CLSTN2: variants seen among roughly 807,000 people sequenced by gnomAD.
CLSTN2 encodes calsyntenin 2, also known as calsyntenin-2.
In CLSTN2, 48 loss-of-function variants were observed where a neutral mutation model predicts 101.2. That is an observed-to-expected ratio of 0.47 (90% CI 0.38 to 0.60). The LOEUF (loss-of-function observed/expected upper bound fraction) is 0.60, where lower values mean the gene tolerates loss of function less well. Among genes scored for constraint, CLSTN2 ranks in the 20% least tolerant of loss-of-function variants. The pLI is 0.00. For missense variants in CLSTN2, 1,160 were observed against 1,238.2 expected (o/e 0.94, Z 0.95); for synonymous variants, 481 against 463.6 (o/e 1.04, Z -0.48).
At chr3:140,417,058 G>A (rs1165093595) in intron 4 of CLSTN2, among the ~76,000 whole-genome samples, 1 of 152,216 alleles carries the variant, frequency 6.6e-6, no homozygotes, top group Non-Finnish European at 1.5e-5. Flanking sequence ...TCCTGCCAAA[G>A]TAACCATTAT....
At chr3:140,151,008 T>C (rs59850626) in intron 1 of CLSTN2, among the ~76,000 whole-genome samples, 26,507 of 151,924 alleles carry the variant, frequency 0.17, 7,002 homozygotes, top group African/African-American at 0.58. Context: ...TTATCACTGA[T>C]GTTGGATTGT....
At chr3:140,434,352 G>A (rs968641007) in intron 5 of CLSTN2, among the ~76,000 whole-genome samples, 1 of 152,190 alleles carries the variant, frequency 6.6e-6, no homozygotes, top group Non-Finnish European at 1.5e-5. Flanking sequence ...GAGGGACAGT[G>A]TAGTCCTGGC....
At chr3:140,171,678 TATATATAATATATATTA>T (rs1409598626) in intron 1 of CLSTN2, among the ~76,000 whole-genome samples, 7 of 7,510 alleles carry the variant, frequency 9.3e-4, no homozygotes, top group Admixed American at 2.6e-3. Flanking sequence ...TAATATGTAT[TATATATAATATATATTA>T]ATATATAATA....
chr3:140,361,214 G>A (rs140538285), intron 2 of CLSTN2, among the ~76,000 whole-genome samples: 1 of 152,284 alleles, frequency 6.6e-6, no homozygotes, highest in Non-Finnish European at 1.5e-5. Context: ...GATAATCAAT[G>A]TAATACACCA....
intron 1 of CLSTN2, among the ~76,000 whole-genome samples, chr3:140,098,400 A>G (rs1184065088): frequency 1.3e-5 from 2 of 152,220 alleles, no homozygotes; most frequent in African/African-American, 4.8e-5. Flanking sequence ...GTACTTGGCT[A>G]CTAACACAGC....
chr3:140,099,064 C>A (rs78471515), intron 1 of CLSTN2, among the ~76,000 whole-genome samples: 4,322 of 152,264 alleles, frequency 0.028, 188 homozygotes, highest in African/African-American at 0.096. Flanking sequence ...ACATGAGAAT[C>A]TGCTGGTCCG....
chr3:140,277,059 C>A (rs1364336391), intron 2 of CLSTN2, among the ~76,000 whole-genome samples: 1 of 152,150 alleles, frequency 6.6e-6, no homozygotes, highest in African/African-American at 2.4e-5. Context: ...GCCTAAGCTC[C>A]TCCATGTAAT....
chr3:140,485,338 C>T (rs1934214427), intron 8 of CLSTN2, among the ~76,000 whole-genome samples: 1 of 152,186 alleles, frequency 6.6e-6, no homozygotes, highest in African/African-American at 2.4e-5. Flanking sequence ...GAGGGGTACC[C>T]AGCCGTGTGA....
intron 2 of CLSTN2, among the ~76,000 whole-genome samples, chr3:140,192,606 A>C (rs2010585140): frequency 6.6e-6 from 1 of 151,680 alleles, no homozygotes; most frequent in Admixed American, 6.6e-5. Context: ...ATCTGTTATT[A>C]ATGTAGTCAC....
At chr3:140,045,605 A>G (rs2007861198) in intron 1 of CLSTN2, among the ~76,000 whole-genome samples, 1 of 152,028 alleles carries the variant, frequency 6.6e-6, no homozygotes, top group African/African-American at 2.4e-5. Flanking sequence ...TTTGATTGCG[A>G]TGTTAGGGTG....
intron 1 of CLSTN2, among the ~76,000 whole-genome samples, chr3:139,976,071 A>G (rs1311785338): frequency 6.6e-6 from 1 of 152,226 alleles, no homozygotes; most frequent in Admixed American, 6.5e-5. Context: ...CCATGGGCAG[A>G]TCGTGGTTGT....
intron 1 of CLSTN2, among the ~76,000 whole-genome samples, chr3:140,027,327 A>G (rs2007441878): frequency 2.0e-5 from 3 of 152,180 alleles, no homozygotes; most frequent in African/African-American, 4.8e-5. Context: ...CCCAAATTCA[A>G]TAACTGATGT....
intron 1 of CLSTN2, among the ~76,000 whole-genome samples, chr3:140,026,049 G>A (rs1008042928): frequency 6.6e-6 from 1 of 152,138 alleles, no homozygotes; most frequent in African/African-American, 2.4e-5. Context: ...AGCATTGGCA[G>A]GTCCATCTGC....
chr3:140,534,658 C>A (rs1294738900), intron 9 of CLSTN2, among the ~76,000 whole-genome samples: 4 of 152,176 alleles, frequency 2.6e-5, no homozygotes, highest in Non-Finnish European at 5.9e-5. Flanking sequence ...CATGGCAAAT[C>A]GTGCACAAAC....
At chr3:140,345,841 C>CT (rs1455837614) in intron 2 of CLSTN2, among the ~76,000 whole-genome samples, 3 of 152,152 alleles carry the variant, frequency 2.0e-5, no homozygotes, top group Non-Finnish European at 4.4e-5. Flanking sequence ...CCGGATGGTA[C>CT]TTTAAAGTCA....
At chr3:140,434,473 G>A (rs1343536480) in intron 5 of CLSTN2, among the ~76,000 whole-genome samples, 9 of 152,172 alleles carry the variant, frequency 5.9e-5, no homozygotes, top group African/African-American at 1.7e-4. Flanking sequence ...GCAGACAGGT[G>A]AGCACTCCAT....
chr3:140,256,439 T>A (rs1213058391), intron 2 of CLSTN2, among the ~76,000 whole-genome samples: 1 of 152,196 alleles, frequency 6.6e-6, no homozygotes, highest in Non-Finnish European at 1.5e-5. Context: ...CACTGAGGTT[T>A]ATAAAAGGAA....
intron 1 of CLSTN2, among the ~76,000 whole-genome samples, chr3:140,047,488 T>A (rs919111251): frequency 6.6e-6 from 1 of 152,220 alleles, no homozygotes; most frequent in Non-Finnish European, 1.5e-5. Context: ...TAACTTCTAA[T>A]GTAAATTAAT....
intron 8 of CLSTN2, among the ~76,000 whole-genome samples, chr3:140,524,809 A>AAAAC (rs1197758628): frequency 6.6e-6 from 1 of 152,216 alleles, no homozygotes; most frequent in Non-Finnish European, 1.5e-5. Flanking sequence ...AAACTGCATG[A>AAAAC]AAACATGGAA....
Sources: allele counts gnomAD v4.1 joint callset (sites outside exome capture counted in the v4.1 genomes callset), GRCh38; gene constraint gnomAD v4.1.1; transcripts MANE v1.5; gene names NCBI Gene and HGNC (gene_info 2026-07-23, HGNC 2026-07-21).